PRMT2: variants seen among roughly 807,000 people sequenced by gnomAD.
PRMT2 encodes protein arginine methyltransferase 2.
PRMT2 carries 26 observed loss-of-function variants against 57.6 expected under a neutral mutation model. The observed-to-expected ratio is 0.45, with a 90% CI of 0.33 to 0.63. PRMT2 has a LOEUF of 0.63. Ranked by LOEUF, PRMT2 falls within the 20% of genes least tolerant of loss-of-function variation. The probability of loss-of-function intolerance (pLI) is 0.02; values close to 1 mark genes in which losing one functional copy is unlikely to be tolerated. For synonymous variants in PRMT2, 219 were observed against 220.0 expected (o/e 1.00, Z 0.04); for missense variants, 472 against 564.4 (o/e 0.84, Z 1.66).
At chr21:46,659,115 G>A (rs1302335603) in intron 8 of PRMT2, 195 bp downstream of exon 8, 5 of 1,340,688 alleles carry the variant, frequency 3.7e-6, no homozygotes, top group Non-Finnish European at 4.8e-6. Context: ...GATGGGCAGA[G>A]CAGGGTAGAA....
rs188345421 is a variant in PRMT2 at position 46,653,059 on chromosome 21, T to G, written c.654+3320T>G. 3 of 1,090,808 alleles carry G rather than the reference T, an allele frequency of 2.8e-6. No homozygotes were observed. In the African/African-American group the frequency reaches 5.0e-5, roughly 18 times the overall value. The allele number at this position is 1,090,808 out of a possible 1,614,324, so 67.6% of individuals were successfully genotyped here. On this transcript the variant is annotated intron_variant, in intron 7 of 11. Coordinates refer to ENST00000355680, the MANE Select transcript of PRMT2 (RefSeq NM_206962.4). ...ACTCAGTCTTACTGTTGTTAGTGTA[T>G]TCGTGCTGTCAATATGTGATGAGGA...
chr21:46,659,981 A>G (rs1200771397), intron 8 of PRMT2: 7 of 983,590 alleles, frequency 7.1e-6, no homozygotes, highest in Non-Finnish European at 8.5e-6. Context: ...TGTCTGGGGG[A>G]TAAAAATAAG....
intron 10 of PRMT2, 32 bp downstream of exon 10, chr21:46,661,968 GGGTGGGGGGCAGGGGAGTA>G: frequency 9.1e-7 from 1 of 1,101,764 alleles, no homozygotes; most frequent in Non-Finnish European, 1.1e-6. Flanking sequence ...ACGGGGTGCG[GGGTGGGGGGCAGGGGAGTA>G]GGCGGGGTGC....
At chr21:46,640,870 T>C (rs1171894874) in intron 3 of PRMT2, among the ~76,000 whole-genome samples, 1 of 152,050 alleles carries the variant, frequency 6.6e-6, no homozygotes, top group African/African-American at 2.4e-5. Flanking sequence ...TTTTTCATTT[T>C]GTGCTTCAGT....
chr21:46,653,014 T>C, intron 7 of PRMT2: 1 of 1,168,172 alleles, frequency 8.6e-7, no homozygotes, highest in Non-Finnish European at 1.1e-6. Context: ...GCACATTTGG[T>C]AGAATTAAAA....
chr21:46,664,497 C>T lies in PRMT2; in HGVS notation c.*170C>T. 1.2e-6 allele frequency: 1 copy of T among 824,648 alleles called. No individual in the cohort carries two copies. The highest frequency in any genetic ancestry group is 2.5e-4 in the Middle Eastern group (1 of 4,058). The allele number at this position is 824,648 out of a possible 1,614,324, so 51.1% of individuals were successfully genotyped here. A position where few individuals can be genotyped will look rare whatever the true frequency, so the allele number is the denominator to read the frequency against. On this transcript the variant is annotated 3_prime_UTR_variant, in exon 12 of 12. Transcript: ENST00000355680. Reference sequence around the variant, plus strand: ...GACGTCAGGGTCCTTCACAGACAAACACGCTTGGGCTCGGCAGGAGCTGCC... The same window carrying T: ...GACGTCAGGGTCCTTCACAGACAAATACGCTTGGGCTCGGCAGGAGCTGCC...
intron 5 of PRMT2, among the ~76,000 whole-genome samples, chr21:46,646,087 A>G (rs7279368): frequency 0.034 from 5,144 of 152,182 alleles, 107 homozygotes; most frequent in Middle Eastern, 0.082. Context: ...TGTTGGTTGA[A>G]TGGAGGTTAC....
At chr21:46,663,258 TG>T in intron 10 of PRMT2, 124 bp from the exon 11 acceptor site, 1 of 886,404 alleles carries the variant, frequency 1.1e-6, no homozygotes, top group African/African-American at 1.7e-5. Context: ...GCCCTCAGGG[TG>T]GACTGCCGGC....
intron 7 of PRMT2, among the ~76,000 whole-genome samples, chr21:46,650,414 T>G (rs1456435321): frequency 6.6e-6 from 1 of 152,156 alleles, no homozygotes. Context: ...GTGTGGAGTA[T>G]GGCTGCTGCT....
intron 3 of PRMT2, among the ~76,000 whole-genome samples, chr21:46,642,376 A>T (rs1601919330): frequency 6.6e-6 from 1 of 152,250 alleles, no homozygotes; most frequent in African/African-American, 2.4e-5. Flanking sequence ...TTTAATAAGA[A>T]AAATGTTCAG....
intron 7 of PRMT2, chr21:46,652,649 G>T: frequency 2.0e-6 from 2 of 985,112 alleles, no homozygotes; most frequent in Non-Finnish European, 2.4e-6. Context: ...AGTGTAAATT[G>T]GTAAAGCCTT....
In PRMT2 at chr21:46,649,800, G is replaced by T; in HGVS notation, c.654+61G>T. Reference sequence around the variant, plus strand: ...CTGGGGGGCTTCTGAGCACGGGCTCGGCTGGGCCAACCTCAGGATCTCAAG... The same window carrying T: ...CTGGGGGGCTTCTGAGCACGGGCTCTGCTGGGCCAACCTCAGGATCTCAAG... On this transcript the variant is annotated intron_variant, in intron 7 of 11. Transcript: ENST00000355680. The surrounding 1 kb of genome is among the most constrained non-coding windows in gnomAD (Gnocchi z 4.8). The T allele has an allele frequency of 2.5e-6, 4 of 1,573,842 alleles. No individual in the cohort carries two copies. The highest frequency in any genetic ancestry group is 3.5e-6 in the Non-Finnish European group (4 of 1,158,560).
chr21:46,658,785 C>T lies in PRMT2; in HGVS notation c.695C>T (p.Ala232Val), dbSNP rs563766540. The change falls in exon 8 of 12, where the codon GCC becomes GTC. Residue 232 changes from alanine (A) to valine (V), a missense_variant. Transcript: ENST00000355680. ...GAGTCCATCCTGTATGCCCGGGATGCCTGGCTGAAGGAGGACGGGGTCATT... is the reference window on the plus strand; with the variant it reads ...GAGTCCATCCTGTATGCCCGGGATGTCTGGCTGAAGGAGGACGGGGTCATT... ...MIESILYARD[A>V]WLKEDGVIWP... The T allele has an allele frequency of 1.2e-6, 2 of 1,614,176 alleles. No individual in the cohort carries two copies. Among genetic ancestry groups the T allele is most frequent in the East Asian group, 2.2e-5 (1 of 44,888 alleles).
At chr21:46,655,593 G>T (rs1467758727) in intron 7 of PRMT2, among the ~76,000 whole-genome samples, 1 of 152,214 alleles carries the variant, frequency 6.6e-6, no homozygotes, top group African/African-American at 2.4e-5. Flanking sequence ...AAAATCCTAA[G>T]GAGTCTATGA....
At chr21:46,642,152 C>T (rs896136410) in intron 3 of PRMT2, among the ~76,000 whole-genome samples, 10 of 152,104 alleles carry the variant, frequency 6.6e-5, no homozygotes, top group Non-Finnish European at 1.3e-4. Flanking sequence ...GTGGTAAAAC[C>T]AAAAGCCACA....
intron 5 of PRMT2, among the ~76,000 whole-genome samples, chr21:46,646,275 G>A (rs1004789128): frequency 4.6e-5 from 7 of 152,178 alleles, no homozygotes; most frequent in African/African-American, 7.2e-5. Flanking sequence ...ACAATTAAAA[G>A]TGTTAAAAAC....
intron 8 of PRMT2, chr21:46,660,234 GTT>G: frequency 1.1e-6 from 1 of 906,156 alleles, no homozygotes; most frequent in Non-Finnish European, 1.3e-6. Flanking sequence ...AGTGATGGGG[GTT>G]GGCAAACGGT....
chr21:46,654,896 T>C (rs1291625871), intron 7 of PRMT2: 10 of 984,502 alleles, frequency 1.0e-5, no homozygotes, highest in Non-Finnish European at 1.2e-5. Context: ...TGAGTTATCA[T>C]TTTCTTTCTT....
chr21:46,662,871 T>G (rs1031820730), intron 10 of PRMT2, among the ~76,000 whole-genome samples: 1 of 152,210 alleles, frequency 6.6e-6, no homozygotes, highest in Non-Finnish European at 1.5e-5. Flanking sequence ...AGCGACTCCT[T>G]GGACCTGATT....
Sources: gnomAD v4.1 joint callset for allele counts (sites outside exome capture counted in the v4.1 genomes callset) on GRCh38, gnomAD v4.1.1 for gene constraint, Gnocchi (gnomAD v3.1) non-coding constraint, MANE v1.5 for transcripts, NCBI Gene and HGNC (gene_info 2026-07-23, HGNC 2026-07-21) for gene names.